GALNT13: variants seen among roughly 807,000 people sequenced by gnomAD.
GALNT13 encodes polypeptide N-acetylgalactosaminyltransferase 13, also known as UDP-GalNAc:polypeptide N-acetylgalactosaminyltransferase 13.
Under a neutral mutation model 64.2 loss-of-function variants are expected in GALNT13, and 28 were observed. That is an observed-to-expected ratio of 0.44 (90% confidence interval 0.32 to 0.60). The LOEUF is 0.60. GALNT13 is among the 20% of genes least tolerant of loss of function. GALNT13 has a pLI of 0.05. For missense variants in GALNT13, 577 were observed against 669.8 expected, an observed-to-expected ratio of 0.86 and a Z score of 1.53; for synonymous variants, 214 against 224.6, an observed-to-expected ratio of 0.95 and a Z score of 0.42.
the GALNT13 span, among the ~76,000 whole-genome samples, chr2:153,707,903 A>G: frequency 6.6e-6 from 1 of 152,306 alleles, no homozygotes. Flanking sequence ...GCCTAACCTC[A>G]AGCAAGTGGG....
the GALNT13 span, among the ~76,000 whole-genome samples, chr2:153,612,871 T>C: frequency 3.9e-3 from 590 of 152,282 alleles, 7 homozygotes; most frequent in African/African-American, 0.014. Context: ...CTTTGTAGCC[T>C]TATTTCTCTT....
chr2:153,409,849 A>AAC, the GALNT13 span, among the ~76,000 whole-genome samples: 2 of 152,102 alleles, frequency 1.3e-5, no homozygotes, highest in African/African-American at 2.4e-5. Context: ...TCTTGAACTG[A>AAC]ACACACACAC....
At chr2:153,666,478 G>A in the GALNT13 span, among the ~76,000 whole-genome samples, 2 of 152,170 alleles carry the variant, frequency 1.3e-5, no homozygotes, top group African/African-American at 2.4e-5. Context: ...GGTGTTGCCA[G>A]CAGACCAGGA....
chr2:153,292,497 G>A, the GALNT13 span, among the ~76,000 whole-genome samples: 1 of 152,138 alleles, frequency 6.6e-6, no homozygotes, highest in South Asian at 2.1e-4. Flanking sequence ...ATGACAGGAG[G>A]TATGGCTTCA....
the GALNT13 span, among the ~76,000 whole-genome samples, chr2:153,711,761 A>C: frequency 1.3e-5 from 2 of 152,160 alleles, no homozygotes; most frequent in Admixed American, 1.3e-4. Context: ...TCAAAAATGC[A>C]AGTTAATAAG....
the GALNT13 span, among the ~76,000 whole-genome samples, chr2:153,746,661 C>T: frequency 1.3e-5 from 2 of 152,104 alleles, no homozygotes; most frequent in South Asian, 4.1e-4. Context: ...ATTTCTGGGC[C>T]GTAGGTTATA....
At chr2:153,511,282 C>CAA in the GALNT13 span, among the ~76,000 whole-genome samples, 11 of 139,764 alleles carry the variant, frequency 7.9e-5, no homozygotes, top group African/African-American at 2.3e-4. Context: ...GGGTCCACTG[C>CAA]AAAAAAAAAA....
At chr2:154,100,815 A>G (rs1156507455) in intron 3 of GALNT13, among the ~76,000 whole-genome samples, 4 of 152,002 alleles carry the variant, frequency 2.6e-5, no homozygotes, top group African/African-American at 9.7e-5. Context: ...ACCTTTCCCC[A>G]TTCGGTCTGA....
chr2:154,388,108 C>T (rs1326604670), intron 9 of GALNT13, among the ~76,000 whole-genome samples: 1 of 152,132 alleles, frequency 6.6e-6, no homozygotes, highest in African/African-American at 2.4e-5. Flanking sequence ...ATAAAAGTCA[C>T]TCTAACAGGT....
the GALNT13 span, among the ~76,000 whole-genome samples, chr2:153,630,264 A>T: frequency 0.2 from 29,653 of 151,794 alleles, 3,097 homozygotes; most frequent in African/African-American, 0.25. Flanking sequence ...TCCAACAATG[A>T]TAGACTGGAT....
the GALNT13 span, among the ~76,000 whole-genome samples, chr2:153,400,476 A>T: frequency 1.3e-5 from 2 of 152,070 alleles, no homozygotes; most frequent in Non-Finnish European, 2.9e-5. Flanking sequence ...TTTTCTGTTG[A>T]TTGGAAGAGT....
chr2:153,790,666 C>G, the GALNT13 span, among the ~76,000 whole-genome samples: 1 of 152,146 alleles, frequency 6.6e-6, no homozygotes. Flanking sequence ...CAAACTATCC[C>G]TGTTTGCAGA....
chr2:153,275,109 C>G, the GALNT13 span, among the ~76,000 whole-genome samples: 1 of 152,124 alleles, frequency 6.6e-6, no homozygotes, highest in Non-Finnish European at 1.5e-5. Context: ...CCTGTACTGC[C>G]CCACTTCCAC....
chr2:153,803,747 G>C, the GALNT13 span, among the ~76,000 whole-genome samples: 2 of 150,402 alleles, frequency 1.3e-5, no homozygotes, highest in Non-Finnish European at 3.0e-5. Context: ...GAGAGAGATT[G>C]ATCTCTCTCT....
chr2:153,402,955 G>A, the GALNT13 span, among the ~76,000 whole-genome samples: 1 of 152,118 alleles, frequency 6.6e-6, no homozygotes, highest in Non-Finnish European at 1.5e-5. Flanking sequence ...ATCCAGCTTT[G>A]TTCCGTTGCT....
At chr2:154,183,478 G>A (rs1393650498) in intron 4 of GALNT13, among the ~76,000 whole-genome samples, 3 of 152,126 alleles carry the variant, frequency 2.0e-5, no homozygotes, top group Non-Finnish European at 4.4e-5. Context: ...TTGGGAGGCT[G>A]AGGCGGTTGA....
intron 7 of GALNT13, among the ~76,000 whole-genome samples, chr2:154,256,853 A>T (rs990530131): frequency 2.0e-5 from 3 of 152,174 alleles, no homozygotes; most frequent in Admixed American, 6.5e-5. Context: ...AACCTTGAAA[A>T]GCAAATAATT....
the GALNT13 span, among the ~76,000 whole-genome samples, chr2:153,397,915 T>C: frequency 6.6e-6 from 1 of 152,108 alleles, no homozygotes; most frequent in African/African-American, 2.4e-5. Context: ...GAACAGATTT[T>C]TTTTAATTTA....
the GALNT13 span, among the ~76,000 whole-genome samples, chr2:153,814,371 C>T: frequency 6.6e-6 from 1 of 152,080 alleles, no homozygotes; most frequent in Non-Finnish European, 1.5e-5. Flanking sequence ...ACCCGGGAGG[C>T]GGAGCTTGCG....
Sources: gnomAD v4.1 joint callset for allele counts (sites outside exome capture counted in the v4.1 genomes callset) on GRCh38, gnomAD v4.1.1 for gene constraint, MANE v1.5 for transcripts, NCBI Gene and HGNC (gene_info 2026-07-23, HGNC 2026-07-21) for gene names.